PLEC: variants seen among roughly 807,000 people sequenced by gnomAD.
PLEC encodes plectin.
PLEC carries 216 observed loss-of-function variants against 392.8 expected under a neutral mutation model. That is an observed-to-expected ratio of 0.55 (90% CI 0.49 to 0.62). PLEC has a LOEUF of 0.62. PLEC is among the 20% of genes least tolerant of loss of function. The pLI, the probability that PLEC is intolerant of heterozygous loss-of-function variation, is 0.00. For synonymous variants in PLEC, 3,621 were observed against 2,980.6 expected (o/e 1.21, Z -7.00); for missense variants, 6,863 against 6,563.4 (o/e 1.05, Z -1.58).
At chr8:143,956,221 T>A (rs1554739236), upstream of PLEC, among the ~76,000 whole-genome samples, 2 of 152,174 alleles carry the variant, frequency 1.3e-5, no homozygotes, top group East Asian at 3.8e-4. Flanking sequence ...GTGCTAGGAT[T>A]ACAGGCATAA....
At position 143,922,522 on chromosome 8, in the gene PLEC, C is replaced by T; in HGVS notation, c.7407G>A (p.Leu2469=). 1 of 1,610,894 alleles carries T rather than the reference C, an allele frequency of 6.2e-7. No homozygotes were observed. Among genetic ancestry groups the T allele is most frequent in the South Asian group, 1.1e-5 (1 of 91,090 alleles). The change falls in exon 31 of 32, where the codon CTG becomes CTA. Residue 2469 remains leucine (L), a synonymous_variant. Transcript: ENST00000345136. ...KEKLQQEAKL[L]QLKSEEMQTV... ...GCGGTACCTCCTCAGACTTGAGCTG[C>T]AGCAGTTTGGCCTCCTGTTGGAGCT...
rs1586971281 is a variant in PLEC, at chr8:143,927,553, G to A, written c.3613C>T (p.Leu1205=). 2 of 1,595,244 alleles carry A rather than the reference G, an allele frequency of 1.3e-6. No individual in the cohort carries two copies. The highest frequency in any genetic ancestry group is 3.4e-5 in the Admixed American group (2 of 59,650). The change falls in exon 27 of 32, where the codon CTG becomes TTG. Residue 1205 remains leucine, a synonymous_variant. Coordinates refer to ENST00000345136, the MANE Select transcript of PLEC (RefSeq NM_201384.3). ...CGGTAGTAACGCAGCTGGCGGCCCA[G>A]TTGCTCGAGCTCGCGCTGCCGCACG... The part of the protein sequence containing the change: ...TDVRQRELEQ[L]GRQLRYYRES...
rs111282136 is a variant in PLEC at position 143,925,699 on chromosome 8, G to T, written c.4230C>A (p.Asp1410Glu). 12 of 1,591,996 alleles carry T rather than the reference G, an allele frequency of 7.5e-6. No individual in the cohort carries two copies. Among genetic ancestry groups the T allele is most frequent in the South Asian group, 1.1e-5 (1 of 90,278 alleles). The change falls in exon 31 of 32, where the codon GAC becomes GAA. Residue 1410 changes from aspartate to glutamate, a missense_variant. Transcript: ENST00000345136. Reference sequence around the variant, plus strand: ...GAATGCTGCGCTTCTGCTGCTGCGCGTCCACCGCCGCCTCCTCCCGCCGCA... The same window carrying T: ...GAATGCTGCGCTTCTGCTGCTGCGCTTCCACCGCCGCCTCCTCCCGCCGCA... ...EVVRREEAAV[D>E]AQQQKRSIQE...
intron 1 of PLEC, among the ~76,000 whole-genome samples, chr8:143,967,362 C>CAAAAAAAA (rs869137248): frequency 4.3e-5 from 2 of 46,848 alleles, no homozygotes; most frequent in Non-Finnish European, 8.1e-5. Context: ...GACTCCATCT[C>CAAAAAAAA]AAAAAAAAAA....
chr8:143,952,994 C>G (rs112256910), upstream of PLEC, among the ~76,000 whole-genome samples: 1 of 130,874 alleles, frequency 7.6e-6, no homozygotes, highest in Non-Finnish European at 1.6e-5. Context: ...ATGCGCCACC[C>G]CCCCCCGCCT....
rs1554669343 is a variant in PLEC at position 143,916,507 on chromosome 8, A to G, written c.13314T>C (p.Pro4438=). The G allele has an allele frequency of 6.2e-7, 1 of 1,611,496 alleles. No individual in the cohort carries two copies. Among genetic ancestry groups the G allele is most frequent in the Admixed American group, 1.7e-5 (1 of 59,974 alleles). The change falls in exon 32 of 32, where the codon CCT becomes CCC. Residue 4438 remains proline, a synonymous_variant. Coordinates refer to ENST00000345136, the MANE Select transcript of PLEC (RefSeq NM_201384.3). ...VGAYSKYLTC[P]KTKLKISYKD... ...TATAGGAGATCTTGAGCTTGGTCTTAGGGCAGGTGAGGTACTTGGAGTAGG... is the reference window on the plus strand; with the variant it reads ...TATAGGAGATCTTGAGCTTGGTCTTGGGGCAGGTGAGGTACTTGGAGTAGG...
Position 143,917,824 on chromosome 8 carries a change from C to T in PLEC, c.11997G>A (p.Glu3999=). ...EAVRMGIVGP[E]FKDKLLSAER... is the part of the protein sequence containing the mutation. ...CGGCCGACAGCAGCTTGTCCTTGAA[C>T]TCGGGGCCCACAATGCCCATACGCA... Residue 3999 remains glutamate, a synonymous_variant, in exon 32 of 32, where the codon GAG becomes GAA. Coordinates refer to ENST00000345136, the MANE Select transcript of PLEC (RefSeq NM_201384.3). 2.5e-6 allele frequency: 4 copies of T among 1,613,500 alleles called. No homozygotes were observed. The highest frequency in any genetic ancestry group is 3.4e-6 in the Non-Finnish European group (4 of 1,180,018).
intron 3 of PLEC, 52 bp downstream of exon 3, chr8:143,938,099 G>A (rs1423141218): frequency 8.9e-6 from 12 of 1,343,002 alleles, no homozygotes; most frequent in Non-Finnish European, 1.3e-5. Context: ...AAGGCAGGCA[G>A]AGGTCTCCAG....
At chr8:143,934,208 G>T (rs1053412538) in intron 11 of PLEC, 110 bp downstream of exon 11, 96 of 1,584,504 alleles carry the variant, frequency 6.1e-5, no homozygotes, top group South Asian at 5.5e-4. Flanking sequence ...GTCCTAAGGC[G>T]AGTGGGAGCT....
chr8:143,940,544 C>T (rs1368578299), upstream of PLEC, among the ~76,000 whole-genome samples: 2 of 152,170 alleles, frequency 1.3e-5, no homozygotes, highest in Admixed American at 6.5e-5. Context: ...CTGGGGCCTC[C>T]GGCTCCCTGG....
At chr8:143,966,076 C>T (rs1419777198) in intron 1 of PLEC, among the ~76,000 whole-genome samples, 1 of 152,186 alleles carries the variant, frequency 6.6e-6, no homozygotes, top group Non-Finnish European at 1.5e-5. Context: ...CACCTCCAAT[C>T]CGACGACACC....
At chr8:143,960,309 TAAAC>T (rs1490090446) in intron 1 of PLEC, among the ~76,000 whole-genome samples, 1 of 149,940 alleles carries the variant, frequency 6.7e-6, no homozygotes, top group Non-Finnish European at 1.5e-5. Flanking sequence ...AATAATAAAA[TAAAC>T]AATAAAATAA....
intron 6 of PLEC, 139 bp from the exon 7 acceptor site, chr8:143,935,452 A>C: frequency 1.4e-6 from 1 of 710,056 alleles, no homozygotes; most frequent in Non-Finnish European, 2.5e-6. Context: ...ATACACTGTC[A>C]CATGGGCAGA....
At chr8:143,931,869 C>CGCTGAGCCACAGTGCG (rs1827363301) in intron 18 of PLEC, 68 bp downstream of exon 18, 1 of 1,467,630 alleles carries the variant, frequency 6.8e-7, no homozygotes, top group African/African-American at 1.4e-5. Flanking sequence ...TTGGAGCTGC[C>CGCTGAGCCACAGTGCG]GAGGGGGTCC....
chr8:143,917,886 G>A lies in PLEC; in HGVS notation c.11935C>T (p.Pro3979Ser). ...ACCGTCAGCTTCAGTCCCTTGATGGGGTCGATGACGTAACCGGTGGCCGCC... is the reference window on the plus strand; with the variant it reads ...ACCGTCAGCTTCAGTCCCTTGATGGAGTCGATGACGTAACCGGTGGCCGCC... ...AQAATGYVID[P>S]IKGLKLTVEE... Residue 3979 changes from proline (P) to serine (S), a missense_variant, in exon 32 of 32, where the codon CCC becomes TCC. Coordinates refer to ENST00000345136, the MANE Select transcript of PLEC (RefSeq NM_201384.3). 6.2e-7 allele frequency: 1 copy of A among 1,613,120 alleles called. No individual in the cohort carries two copies. The highest frequency in any genetic ancestry group is 8.5e-7 in the Non-Finnish European group (1 of 1,180,008).
intron 1 of PLEC, chr8:143,946,432 G>A (rs1474653635): frequency 1.6e-6 from 2 of 1,283,530 alleles, no homozygotes; most frequent in Non-Finnish European, 2.0e-6. Flanking sequence ...AGCCGGCAGG[G>A]AGGAAGGCGA....
chr8:143,935,340 T>C, intron 6 of PLEC, 27 bp from the exon 7 acceptor site: 1 of 1,545,848 alleles, frequency 6.5e-7, no homozygotes, highest in Non-Finnish European at 8.8e-7. Flanking sequence ...GCTGGTCAGG[T>C]GGGTGGGACA....
Position 143,922,208 on chromosome 8 carries a change from T to C in PLEC, c.7613A>G (p.Gln2538Arg), listed in dbSNP as rs372005251. Residue 2538 changes from glutamine (Q) to arginine (R), a missense_variant, in exon 32 of 32, where the codon CAG (glutamine) becomes CGG (arginine). Transcript: ENST00000345136. ...QQLREEQQRQ[Q>R]QQMEQERQRL... ...CTGCCGTTCCTGCTCCATCTGCTGC[T>C]GCTGCCGCTGCTGCTCCTCACGCAG... The C allele has an allele frequency of 9.6e-5, 149 of 1,556,614 alleles. No individual in the cohort carries two copies. The African/African-American group carries it at 1.7e-3, about 18-fold the overall frequency.
In PLEC at chr8:143,932,794, T is replaced by C. The variant is rs781990105; in HGVS notation, c.1736A>G (p.Glu579Gly). Reference protein sequence around the residue: ...RAKIERARSDEGQLSPATRGA... With the variant: ...RAKIERARSDGGQLSPATRGA... ...TGCCCATCGCTCAGCGCCACCCACC[T>C]CGTCACTCCGTGCCCGCTCGATCTT... The change falls in exon 14 of 32, where the codon GAG becomes GGG. Residue 579 changes from glutamate (E) to glycine (G), a missense_variant and splice_region_variant. By Grantham distance (98) the Glu-to-Gly change is moderately conservative (BLOSUM62 -2). Coordinates refer to ENST00000345136, the MANE Select transcript of PLEC (RefSeq NM_201384.3). 6.2e-7 allele frequency: 1 copy of C among 1,612,056 alleles called. No individual in the cohort carries two copies. The highest frequency in any genetic ancestry group is 2.2e-5 in the East Asian group (1 of 44,844).
Sources: gnomAD v4.1 joint callset for allele counts (sites outside exome capture counted in the v4.1 genomes callset) on GRCh38, gnomAD v4.1.1 for gene constraint, MANE v1.5 for transcripts, NCBI Gene and HGNC (gene_info 2026-07-23, HGNC 2026-07-21) for gene names.